The following SPRED2 variants were observed in gnomAD, a reference collection of about 807,000 sequenced individuals.
SPRED2 encodes sprouty related EVH1 domain containing 2, also known as sprouty-related, EVH1 domain-containing protein 2.
Under a neutral mutation model 43.0 loss-of-function variants are expected in SPRED2, and 47 were observed. That is an observed-to-expected ratio of 1.09 (90% CI 0.87 to 1.40). The LOEUF (loss-of-function observed/expected upper bound fraction) is 1.40. SPRED2 is among the 40% of genes most tolerant of loss of function. The pLI, the probability that SPRED2 is intolerant of heterozygous loss-of-function variation, is 0.00. For missense variants in SPRED2, 561 were observed against 586.4 expected (o/e 0.96, Z 0.45); for synonymous variants, 225 against 225.7 (o/e 1.00, Z 0.03).
At chr2:65,395,218 C>G (rs1371430059) in intron 1 of SPRED2, among the ~76,000 whole-genome samples, 1 of 152,206 alleles carries the variant, frequency 6.6e-6, no homozygotes, top group African/African-American at 2.4e-5. Context: ...TCCACACACT[C>G]TTCCCTTACC....
intron 5 of SPRED2, among the ~76,000 whole-genome samples, chr2:65,315,425 C>T (rs372106660): frequency 3.3e-5 from 5 of 152,130 alleles, no homozygotes; most frequent in East Asian, 1.9e-4. Flanking sequence ...CTTGATCATG[C>T]GCTTATTAGA....
chr2:65,430,193 G>A (rs1444536342), intron 1 of SPRED2, among the ~76,000 whole-genome samples: 1 of 152,186 alleles, frequency 6.6e-6, no homozygotes, highest in Admixed American at 6.5e-5. Context: ...TTCCTTCTCT[G>A]TATTTCAGCC....
rs1230334011 is a variant in SPRED2 at position 65,316,785 on chromosome 2, G to T, written c.537C>A (p.Thr179=). Residue 179 remains threonine, a synonymous_variant, in exon 5 of 6, where the codon ACC becomes ACA. Coordinates refer to ENST00000356388, the MANE Select transcript of SPRED2 (RefSeq NM_181784.3). ...GGTATGAGTCGTGGAGGTGGCCCAGGGTATAAATCCTCCGGTGCTCACAGG... is the reference window on the plus strand; with the variant it reads ...GGTATGAGTCGTGGAGGTGGCCCAGTGTATAAATCCTCCGGTGCTCACAGG... ...PTSCEHRRIY[T]LGHLHDSYPT... 4.3e-6 allele frequency: 7 copies of T among 1,613,130 alleles called. No homozygotes were observed. Among genetic ancestry groups the T allele is most frequent in the South Asian group, 1.1e-5 (1 of 90,790 alleles).
At chr2:65,415,120 A>G (rs926075314) in intron 1 of SPRED2, among the ~76,000 whole-genome samples, 3 of 152,246 alleles carry the variant, frequency 2.0e-5, no homozygotes, top group African/African-American at 7.2e-5. Context: ...TAAAATATAC[A>G]TAACATAAAA....
chr2:65,325,713 TATGGA>T (rs1673590775), intron 4 of SPRED2, among the ~76,000 whole-genome samples: 2 of 151,988 alleles, frequency 1.3e-5, no homozygotes, highest in African/African-American at 4.8e-5. Flanking sequence ...GGCCAAGGGG[TATGGA>T]TCACCTGAGG....
At chr2:65,423,114 C>T (rs528240461) in intron 1 of SPRED2, among the ~76,000 whole-genome samples, 5 of 152,342 alleles carry the variant, frequency 3.3e-5, no homozygotes, top group African/African-American at 1.2e-4. Context: ...CACTTTATTC[C>T]TTGGCTGGAA....
At chr2:65,337,259 A>T (rs1673992914) in intron 2 of SPRED2, among the ~76,000 whole-genome samples, 1 of 152,248 alleles carries the variant, frequency 6.6e-6, no homozygotes, top group Admixed American at 6.5e-5. Flanking sequence ...TAGATGCTTT[A>T]ATCTTCCCAA....
At chr2:65,416,956 T>C (rs913602411) in intron 1 of SPRED2, among the ~76,000 whole-genome samples, 1 of 152,170 alleles carries the variant, frequency 6.6e-6, no homozygotes, top group Admixed American at 6.5e-5. Flanking sequence ...AGTAAAAAGC[T>C]ACCATAAAAA....
intron 1 of SPRED2, among the ~76,000 whole-genome samples, chr2:65,427,098 G>A (rs1300050306): frequency 6.6e-6 from 1 of 151,972 alleles, no homozygotes; most frequent in Admixed American, 6.6e-5. Flanking sequence ...TGGAGACAGG[G>A]TGTCACTCTG....
In SPRED2 at chr2:65,387,803, C is replaced by CT. The variant is rs1181144610; in HGVS notation, c.27-42908dup. Among the ~76,000 whole-genome samples, 573 of 104,740 alleles carry CT rather than the reference C, an allele frequency of 5.5e-3. 4 individuals are homozygous for CT. The highest frequency in any genetic ancestry group is 0.013 in the African/African-American group (456 of 35,564). 68.7% of individuals were successfully genotyped at this position (104,740 alleles called of 152,430 possible). A position where few individuals can be genotyped will look rare whatever the true frequency, so the allele number is the denominator to read the frequency against. The stretch of plus-strand genomic sequence containing the variant: ...AGGGAAAGCAAATTCTTTTCTTTTT[C>CT]TTTTTTTTTTTGAGAGTTTGGCTCT... On this transcript the variant is annotated intron_variant, in intron 1 of 5. Transcript: ENST00000356388.
intron 3 of SPRED2, chr2:65,334,221 G>A (rs1427521756): frequency 2.1e-6 from 1 of 472,734 alleles, no homozygotes; most frequent in Non-Finnish European, 4.4e-6. Flanking sequence ...AGGACAGTGG[G>A]TAGGCCAGGA....
At chr2:65,393,205 A>G (rs1675677633) in intron 1 of SPRED2, among the ~76,000 whole-genome samples, 1 of 152,094 alleles carries the variant, frequency 6.6e-6, no homozygotes, top group African/African-American at 2.4e-5. Flanking sequence ...AATGTTGCGA[A>G]TGTGGCATCT....
At chr2:65,342,437 T>G (rs1674221930) in intron 2 of SPRED2, among the ~76,000 whole-genome samples, 1 of 149,148 alleles carries the variant, frequency 6.7e-6, no homozygotes, top group Admixed American at 6.7e-5. Flanking sequence ...TATGTATGTA[T>G]ATTTTGTATA....
At chr2:65,347,960 C>T (rs529359928) in intron 1 of SPRED2, among the ~76,000 whole-genome samples, 4 of 152,252 alleles carry the variant, frequency 2.6e-5, no homozygotes, top group Non-Finnish European at 4.4e-5. Context: ...CTTGCTTCCA[C>T]GTTTGCCCAA....
intron 1 of SPRED2, among the ~76,000 whole-genome samples, chr2:65,414,526 A>G (rs1397997294): frequency 6.6e-6 from 1 of 152,304 alleles, no homozygotes; most frequent in East Asian, 1.9e-4. Context: ...TCTTTCTTCA[A>G]CCTTGGTCCC....
At position 65,344,572 on chromosome 2, in the gene SPRED2, C is replaced by A. The variant is rs756177391; in HGVS notation, c.204+147G>T. On this transcript the variant is annotated intron_variant, in intron 2 of 5. Coordinates refer to ENST00000356388, the MANE Select transcript of SPRED2 (RefSeq NM_181784.3). ...GTCACGTTTTACAATTTGGCACCAG[C>A]TCCGGGGTTCTAACTTTTGAAGCTT... 3.7e-6 allele frequency: 4 copies of A among 1,068,866 alleles called. No homozygotes were observed. The South Asian group carries it at 4.1e-5, about 11-fold the overall frequency. 66.2% of individuals were successfully genotyped at this position (1,068,866 alleles called of 1,614,324 possible).
At chr2:65,315,680 T>A (rs984965624) in intron 5 of SPRED2, among the ~76,000 whole-genome samples, 5 of 152,238 alleles carry the variant, frequency 3.3e-5, no homozygotes, top group African/African-American at 9.6e-5. Context: ...TTATTTATTT[T>A]TTGAGATGGA....
chr2:65,354,656 T>A (rs62139121), intron 1 of SPRED2, among the ~76,000 whole-genome samples: 84 of 151,164 alleles, frequency 5.6e-4, no homozygotes, highest in African/African-American at 8.4e-4. Flanking sequence ...TTTTTTTTTT[T>A]AAATCTTTTC....
chr2:65,374,401 GATTCTAAATTCATTGTTCTAA>G (rs1244774780), intron 1 of SPRED2, among the ~76,000 whole-genome samples: 2 of 152,224 alleles, frequency 1.3e-5, no homozygotes, highest in African/African-American at 2.4e-5. Flanking sequence ...AACTGGGCCT[GATTCTAAATTCATTGTTCTAA>G]ATTCTAAATT....
Sources: gnomAD v4.1 joint callset for allele counts (sites outside exome capture counted in the v4.1 genomes callset) on GRCh38, gnomAD v4.1.1 for gene constraint, MANE v1.5 for transcripts, NCBI Gene and HGNC (gene_info 2026-07-23, HGNC 2026-07-21) for gene names.